GALNT18: variants seen among roughly 807,000 people sequenced by gnomAD.
The protein encoded by GALNT18 is polypeptide N-acetylgalactosaminyltransferase 18, also known as GalNAc-transferase 18.
In GALNT18, 44 loss-of-function variants were observed where a neutral mutation model predicts 69.5. The ratio of observed to expected loss-of-function variants is 0.63; its 90% CI spans 0.50 to 0.81. The LOEUF is 0.81. GALNT18 is among the 40% of genes least tolerant of loss of function. The probability of loss-of-function intolerance (pLI) is 0.00; values close to 1 mark genes in which losing one functional copy is unlikely to be tolerated. For synonymous variants in GALNT18, 364 were observed against 318.2 expected (o/e 1.14, Z -1.53); for missense variants, 715 against 810.0 (o/e 0.88, Z 1.42).
At chr11:11,492,797 C>G (rs557969569) in intron 1 of GALNT18, among the ~76,000 whole-genome samples, 1 of 152,152 alleles carries the variant, frequency 6.6e-6, no homozygotes, top group South Asian at 2.1e-4. Context: ...CCTAACGTAT[C>G]TGGGGCCTAA....
intron 3 of GALNT18, among the ~76,000 whole-genome samples, chr11:11,431,568 A>C (rs1855265205): frequency 1.3e-5 from 2 of 152,208 alleles, no homozygotes; most frequent in Non-Finnish European, 2.9e-5. Context: ...AATTTCTAAA[A>C]TCCCCTTACA....
rs1363243697 is a variant in GALNT18 at position 11,372,489 on chromosome 11, C to T, written c.1092+26G>A. ...TCACCCTGGTGGGAGCTGAGCCGAG[C>T]AGTTTGAGTGAGAAACCCCACTCAC... On this transcript the variant is annotated intron_variant, in intron 6 of 10. Coordinates refer to ENST00000227756, the MANE Select transcript of GALNT18 (RefSeq NM_198516.3). This position sits in a 1 kb window ranked among gnomAD's most constrained non-coding sequence, Gnocchi z 4.9. The T allele has an allele frequency of 6.3e-7, 1 of 1,577,502 alleles. No homozygotes were observed. Among genetic ancestry groups the T allele is most frequent in the East Asian group, 2.2e-5 (1 of 44,660 alleles).
At chr11:11,278,369 TG>T (rs1848993113) in intron 10 of GALNT18, among the ~76,000 whole-genome samples, 1 of 38,598 alleles carries the variant, frequency 2.6e-5, no homozygotes. Context: ...TGTTGGTGGG[TG>T]GGGGGCTGGG....
intron 1 of GALNT18, among the ~76,000 whole-genome samples, chr11:11,527,460 C>T (rs951601701): frequency 1.3e-5 from 2 of 152,116 alleles, no homozygotes; most frequent in Non-Finnish European, 2.9e-5. Flanking sequence ...CTGCAATTCA[C>T]AGATTTTTCC....
chr11:11,609,682 C>T (rs1859848539), intron 1 of GALNT18, among the ~76,000 whole-genome samples: 1 of 152,226 alleles, frequency 6.6e-6, no homozygotes, highest in Non-Finnish European at 1.5e-5. Context: ...TTTCTCCCAA[C>T]TCCTTATGGT....
chr11:11,350,316 G>A (rs1850376951), intron 6 of GALNT18, among the ~76,000 whole-genome samples: 1 of 152,222 alleles, frequency 6.6e-6, no homozygotes, highest in Admixed American at 6.5e-5. Flanking sequence ...TGGGCCACAG[G>A]AGTTCAGGGA....
intron 1 of GALNT18, among the ~76,000 whole-genome samples, chr11:11,455,187 C>G (rs1855899327): frequency 6.6e-6 from 1 of 152,322 alleles, no homozygotes. Flanking sequence ...ACAAATATTT[C>G]AGCAAGTTTG....
In GALNT18 at chr11:11,448,820, G is replaced by A. The variant is rs746886566; in HGVS notation, c.352C>T (p.Gln118Ter). Reference sequence around the variant, plus strand: ...AGGTAGGCGTTGTAGCCGTAGTACTGGAATTGCTTCAGGGCCACGCGCCGG... The same window carrying A: ...AGGTAGGCGTTGTAGCCGTAGTACTAGAATTGCTTCAGGGCCACGCGCCGG... ...EGRRVALKQF[Q>*]YYGYNAYLSD... is the part of the protein sequence containing the mutation. The change falls in exon 2 of 11, where the codon CAG becomes TAG. Residue 118 changes from glutamine (Q) to a stop codon, truncating the protein, a stop_gained. Coordinates refer to ENST00000227756, the MANE Select transcript of GALNT18 (RefSeq NM_198516.3). LOFTEE classifies it high-confidence loss of function. 6.2e-7 allele frequency: 1 copy of A among 1,613,550 alleles called. No individual in the cohort carries two copies. The highest frequency in any genetic ancestry group is 1.7e-5 in the Admixed American group (1 of 59,994).
At chr11:11,423,184 GCA>G (rs141614362) in intron 3 of GALNT18, among the ~76,000 whole-genome samples, 1,822 of 152,188 alleles carry the variant, frequency 0.012, 18 homozygotes, top group Non-Finnish European at 0.019. Flanking sequence ...GTGCACACAT[GCA>G]CACACACACT....
chr11:11,369,351 G>A (rs562500317), intron 6 of GALNT18, among the ~76,000 whole-genome samples: 7 of 152,224 alleles, frequency 4.6e-5, no homozygotes, highest in South Asian at 2.1e-4. Context: ...TCCAGCTTTC[G>A]ATAGCCCCAG....
At chr11:11,529,300 G>T (rs1857588149) in intron 1 of GALNT18, among the ~76,000 whole-genome samples, 1 of 152,134 alleles carries the variant, frequency 6.6e-6, no homozygotes, top group Non-Finnish European at 1.5e-5. Context: ...ATATGTGGGT[G>T]GCCTTCATCC....
intron 1 of GALNT18, among the ~76,000 whole-genome samples, chr11:11,558,866 C>G (rs1332579494): frequency 1.3e-5 from 2 of 152,210 alleles, no homozygotes; most frequent in Non-Finnish European, 2.9e-5. Context: ...GGAGTCCCCA[C>G]TTACTGTCCT....
chr11:11,281,489 T>G (rs1203620651), intron 10 of GALNT18, among the ~76,000 whole-genome samples: 1 of 152,142 alleles, frequency 6.6e-6, no homozygotes, highest in Non-Finnish European at 1.5e-5. Context: ...GCTGCTCAGC[T>G]CATCCTTGGG....
chr11:11,276,648 T>TA (rs1848954280), intron 10 of GALNT18, among the ~76,000 whole-genome samples: 1 of 152,204 alleles, frequency 6.6e-6, no homozygotes. Context: ...GCTGTGGGTT[T>TA]GTCATAAATA....
intron 1 of GALNT18, among the ~76,000 whole-genome samples, chr11:11,552,838 A>G (rs895019277): frequency 2.0e-5 from 3 of 152,110 alleles, no homozygotes; most frequent in African/African-American, 7.2e-5. Context: ...GGTTTATTAA[A>G]TAACCAGGTC....
chr11:11,375,688 A>G (rs968788521), intron 5 of GALNT18, among the ~76,000 whole-genome samples: 5 of 152,230 alleles, frequency 3.3e-5, no homozygotes, highest in Non-Finnish European at 5.9e-5. Flanking sequence ...GGGATGAGAC[A>G]TGAGCGGTCA....
At chr11:11,481,064 C>G (rs1244757556) in intron 1 of GALNT18, among the ~76,000 whole-genome samples, 1 of 152,130 alleles carries the variant, frequency 6.6e-6, no homozygotes, top group Non-Finnish European at 1.5e-5. Flanking sequence ...GGAATTTGCT[C>G]AAACTGCTTC....
rs891919004 is a variant in GALNT18, at chr11:11,598,336, G to C, written c.235+23023C>G. ...CAGAAGTCCAAAATTAGTCTTACTC[G>C]AGGCAAAATCAAGGTGTCAGCAGGG... is the stretch of plus-strand genomic sequence containing the variant. On this transcript the variant is annotated intron_variant, in intron 1 of 10. Transcript: ENST00000227756. The surrounding 1 kb of genome is among the most constrained non-coding windows in gnomAD (Gnocchi z 4.8). Among the ~76,000 whole-genome samples, 1 of 152,050 alleles carries C rather than the reference G, an allele frequency of 6.6e-6. No homozygotes were observed. Among genetic ancestry groups the C allele is most frequent in the African/African-American group, 2.4e-5 (1 of 41,404 alleles).
intron 1 of GALNT18, among the ~76,000 whole-genome samples, chr11:11,514,535 C>T (rs1054956374): frequency 3.3e-5 from 5 of 152,200 alleles, no homozygotes; most frequent in African/African-American, 9.6e-5. Context: ...TGTGAAATTT[C>T]ACATTTCCCA....
Sources: gnomAD v4.1 joint callset for allele counts (sites outside exome capture counted in the v4.1 genomes callset) on GRCh38, gnomAD v4.1.1 for gene constraint, Gnocchi (gnomAD v3.1) non-coding constraint, MANE v1.5 for transcripts, NCBI Gene and HGNC (gene_info 2026-07-23, HGNC 2026-07-21) for gene names.